The following CHD2 variants were observed in gnomAD, a reference collection of about 807,000 sequenced individuals.
The protein encoded by CHD2 is ATP-dependent chromatin remodeler CHD2.
A neutral mutation model predicts 243.9 loss-of-function variants in CHD2; 28 were observed. That is an observed-to-expected ratio of 0.11 (90% confidence interval 0.09 to 0.16). The LOEUF is 0.16. CHD2 is among the 10% of genes least tolerant of loss of function. The pLI, the probability that CHD2 is intolerant of heterozygous loss-of-function variation, is 1.00. For missense variants in CHD2, 1,386 were observed against 2,209.8 expected, an observed-to-expected ratio of 0.63 and a Z score of 7.47; for synonymous variants, 775 against 779.0, an observed-to-expected ratio of 0.99 and a Z score of 0.09.
In CHD2 at chr15:93,012,381, T is replaced by C. The variant is rs1488895664; in HGVS notation, c.4629T>C (p.Phe1543=). 3 of 1,608,842 alleles carry C rather than the reference T, an allele frequency of 1.9e-6. No individual in the cohort carries two copies. Among genetic ancestry groups the C allele is most frequent in the African/African-American group, 2.7e-5 (2 of 74,648 alleles). ...TTTTTGTTTCCAAGTTTACAGAATTTGATGCTCGAAAACTGCATAAGTTAT... is the reference window on the plus strand; with the variant it reads ...TTTTTGTTTCCAAGTTTACAGAATTCGATGCTCGAAAACTGCATAAGTTAT... ...LWIFVSKFTE[F]DARKLHKLYK... is the part of the protein sequence containing the mutation. The change falls in exon 36 of 39, where the codon TTT becomes TTC. Residue 1543 remains phenylalanine, a synonymous_variant. Coordinates refer to ENST00000394196, the MANE Select transcript of CHD2 (RefSeq NM_001271.4).
chr15:93,007,274 A>T (rs1168886583), intron 34 of CHD2, among the ~76,000 whole-genome samples: 1 of 152,246 alleles, frequency 6.6e-6, no homozygotes, highest in Non-Finnish European at 1.5e-5. Flanking sequence ...TACTGACTGA[A>T]GGTCGTTGGA....
intron 2 of CHD2, chr15:92,902,187 G>A: frequency 2.5e-6 from 1 of 397,906 alleles, no homozygotes; most frequent in Non-Finnish European, 4.4e-6. Flanking sequence ...CGTCTGGAAT[G>A]CTTTATCTTC....
At chr15:92,934,351 T>C (rs945780246) in intron 5 of CHD2, among the ~76,000 whole-genome samples, 1 of 151,792 alleles carries the variant, frequency 6.6e-6, no homozygotes, top group African/African-American at 2.4e-5. Flanking sequence ...CTTGGCTAAA[T>C]CTTGGTATTT....
intron 33 of CHD2, among the ~76,000 whole-genome samples, chr15:93,003,939 C>T (rs1389021431): frequency 1.3e-5 from 2 of 151,994 alleles, no homozygotes; most frequent in African/African-American, 4.8e-5. Context: ...GCCTGGACAA[C>T]ATGGTGAAAC....
intron 15 of CHD2, among the ~76,000 whole-genome samples, chr15:92,955,878 G>T (rs2053612014): frequency 1.3e-5 from 2 of 152,204 alleles, no homozygotes; most frequent in Non-Finnish European, 2.9e-5. Flanking sequence ...GCCATCTCAG[G>T]TATTTCCCTT....
chr15:92,982,601 C>G (rs186348649), intron 24 of CHD2, among the ~76,000 whole-genome samples: 1 of 152,106 alleles, frequency 6.6e-6, no homozygotes, highest in African/African-American at 2.4e-5. Flanking sequence ...TGGGTTGATT[C>G]CATGGAGGTA....
chr15:93,024,513 C>A lies in CHD2; in HGVS notation c.5295C>A (p.Phe1765Leu), dbSNP rs756416834. The A allele has an allele frequency of 6.2e-7, 1 of 1,614,208 alleles. No individual in the cohort carries two copies. Among genetic ancestry groups the A allele is most frequent in the Non-Finnish European group, 8.5e-7 (1 of 1,180,034 alleles). The change falls in exon 39 of 39, where the codon TTC becomes TTA. Residue 1765 changes from phenylalanine to leucine, a missense_variant. Around this residue, in one of 19 missense-constraint regions of CHD2, gnomAD observed 347 missense variants for 341.6 expected, o/e 1.02. Coordinates refer to ENST00000394196, the MANE Select transcript of CHD2 (RefSeq NM_001271.4). The stretch of plus-strand genomic sequence containing the variant: ...GACCCTCAGACCATTACCGCTCTTT[C>A]CACACAGATAAACTGGGGGAATATA... Reference protein sequence around the residue: ...GQGPSDHYRSFHTDKLGEYKQ... With the variant: ...GQGPSDHYRSLHTDKLGEYKQ...
chr15:92,900,551 C>G lies in CHD2; in HGVS notation c.-345C>G. The G allele has an allele frequency of 2.5e-6, 1 of 398,630 alleles. No homozygotes were observed. Among genetic ancestry groups the G allele is most frequent in the Non-Finnish European group, 4.4e-6 (1 of 226,058 alleles). The allele number at this position is 398,630 out of a possible 1,614,324, so 24.7% of individuals were successfully genotyped here. A position where few individuals can be genotyped will look rare whatever the true frequency, so the allele number is the denominator to read the frequency against. ...TTCGTGCCTTGTTGGAAAGAAGCAGCCGTACTGAGAGCCCAGGTCGTTGTT... is the reference window on the plus strand; with the variant it reads ...TTCGTGCCTTGTTGGAAAGAAGCAGGCGTACTGAGAGCCCAGGTCGTTGTT... On this transcript the variant is annotated 5_prime_UTR_variant, in exon 1 of 39. Coordinates refer to ENST00000394196, the MANE Select transcript of CHD2 (RefSeq NM_001271.4).
At chr15:93,000,085 CCT>C (rs908383587) in intron 31 of CHD2, among the ~76,000 whole-genome samples, 2 of 151,962 alleles carry the variant, frequency 1.3e-5, no homozygotes, top group Non-Finnish European at 2.9e-5. Flanking sequence ...ATGGCGAAAC[CCT>C]GTTTCTACTA....
chr15:92,936,134 G>GT (rs905010404), intron 5 of CHD2, among the ~76,000 whole-genome samples: 4 of 152,066 alleles, frequency 2.6e-5, no homozygotes, highest in African/African-American at 9.7e-5. Flanking sequence ...CTGAATTGTT[G>GT]TTTTTTCCCC....
chr15:93,012,287 A>C (rs535262476), intron 35 of CHD2, 58 bp from the exon 36 acceptor site: 6 of 1,185,232 alleles, frequency 5.1e-6, no homozygotes, highest in African/African-American at 1.5e-5. Flanking sequence ...CATGAAGATC[A>C]TAAAAAATTG....
Position 92,984,347 on chromosome 15 carries a change from A to G in CHD2, c.3084A>G (p.Thr1028=). The change falls in exon 25 of 39, where the codon ACA becomes ACG. Residue 1028 remains threonine, a synonymous_variant. Coordinates refer to ENST00000394196, the MANE Select transcript of CHD2 (RefSeq NM_001271.4). ...LSQFKVANFA[T]MEDEEELEER... ...GTTTTAAGGTTGCCAACTTTGCAAC[A>G]ATGGAAGATGAAGAAGAGCTAGAAG... The G allele has an allele frequency of 6.3e-7, 1 of 1,584,370 alleles. No individual in the cohort carries two copies. Among genetic ancestry groups the G allele is most frequent in the Non-Finnish European group, 8.6e-7 (1 of 1,166,184 alleles).
chr15:93,003,332 TG>T (rs2054281135), intron 33 of CHD2, among the ~76,000 whole-genome samples: 1 of 152,120 alleles, frequency 6.6e-6, no homozygotes, highest in African/African-American at 2.4e-5. Flanking sequence ...GGGAGGATTC[TG>T]TTTGGGTGTA....
chr15:92,975,442 G>A (rs1371864302), intron 20 of CHD2, among the ~76,000 whole-genome samples: 1 of 152,152 alleles, frequency 6.6e-6, no homozygotes, highest in Non-Finnish European at 1.5e-5. Context: ...TTTTGTTTGG[G>A]GGGCACATAT....
At chr15:93,020,327 G>T (rs748119818) in intron 38 of CHD2, 69 bp downstream of exon 38, 3 of 1,574,872 alleles carry the variant, frequency 1.9e-6, no homozygotes, top group African/African-American at 1.3e-5. Flanking sequence ...AGAAAGTGAC[G>T]TATACATGAA....
intron 2 of CHD2, among the ~76,000 whole-genome samples, chr15:92,912,829 C>T (rs1164879653): frequency 2.0e-5 from 3 of 152,196 alleles, no homozygotes; most frequent in Admixed American, 6.5e-5. Context: ...GGATTACAGG[C>T]GTGAGCCACT....
chr15:92,958,720 C>T (rs1294997291), intron 16 of CHD2, among the ~76,000 whole-genome samples: 1 of 152,186 alleles, frequency 6.6e-6, no homozygotes, highest in Admixed American at 6.5e-5. Flanking sequence ...AATACACTTT[C>T]AGTAGAAAGT....
At chr15:92,901,857 T>A (rs1273628651) in intron 2 of CHD2, 1 of 274,616 alleles carries the variant, frequency 3.6e-6, no homozygotes, top group Non-Finnish European at 6.7e-6. Context: ...TATATTTTTA[T>A]GTGACTTTAT....
intron 37 of CHD2, among the ~76,000 whole-genome samples, chr15:93,016,122 G>C (rs1054827433): frequency 5.9e-5 from 9 of 152,218 alleles, no homozygotes; most frequent in African/African-American, 2.2e-4. Context: ...CCCATCAGCA[G>C]GTGAGTGGAT....
Sources: allele counts gnomAD v4.1 joint callset (sites outside exome capture counted in the v4.1 genomes callset), GRCh38; gene constraint gnomAD v4.1.1; regional missense constraint gnomAD v4.1.1; transcripts MANE v1.5; gene names NCBI Gene and HGNC (gene_info 2026-07-23, HGNC 2026-07-21).